Variants in SOX6 observed in about 807,000 individuals in gnomAD.
The protein encoded by SOX6 is SRY-box transcription factor 6, also known as transcription factor SOX-6.
A neutral mutation model predicts 97.8 loss-of-function variants in SOX6; 11 were observed. The ratio of observed to expected loss-of-function variants is 0.11; its 90% confidence interval spans 0.07 to 0.19. SOX6 has a LOEUF of 0.19. SOX6 is among the 10% of genes least tolerant of loss of function. The pLI, the probability that SOX6 is intolerant of heterozygous loss-of-function variation, is 1.00. For synonymous variants in SOX6, 360 were observed against 371.4 expected (o/e 0.97, Z 0.35); for missense variants, 810 against 1,039.5 (o/e 0.78, Z 3.04).
chr11:16,604,560 A>T (rs1369109199), intron 4 of SOX6, among the ~76,000 whole-genome samples: 1 of 152,034 alleles, frequency 6.6e-6, no homozygotes, highest in Non-Finnish European at 1.5e-5. Context: ...ACGTCATCCG[A>T]GCGCCCATTG....
intron 3 of SOX6, among the ~76,000 whole-genome samples, chr11:16,254,832 G>T (rs1239621604): frequency 1.3e-5 from 2 of 151,876 alleles, no homozygotes; most frequent in Non-Finnish European, 2.9e-5. Context: ...AACAGAGATT[G>T]TCAGAGTGGG....
chr11:16,093,899 G>A (rs185829706), intron 9 of SOX6, among the ~76,000 whole-genome samples: 5 of 151,854 alleles, frequency 3.3e-5, no homozygotes, highest in Non-Finnish European at 7.4e-5. Flanking sequence ...GCTATTCACA[G>A]ATGTCCCAAT....
intron 3 of SOX6, among the ~76,000 whole-genome samples, chr11:16,310,415 T>G (rs1855565965): frequency 6.6e-6 from 1 of 152,134 alleles, no homozygotes; most frequent in Non-Finnish European, 1.5e-5. Flanking sequence ...ATATAATCCC[T>G]AAATATCATT....
intron 4 of SOX6, among the ~76,000 whole-genome samples, chr11:16,529,951 G>A (rs767927875): frequency 2.6e-5 from 4 of 151,808 alleles, no homozygotes; most frequent in Non-Finnish European, 4.4e-5. Flanking sequence ...GTACAGAAAC[G>A]CTTATTAAAT....
intron 1 of SOX6, among the ~76,000 whole-genome samples, chr11:16,345,721 A>G (rs1856759219): frequency 2.0e-5 from 3 of 152,046 alleles, no homozygotes; most frequent in African/African-American, 7.2e-5. Context: ...ATTTTCTAGA[A>G]CTTTTCTGAT....
At chr11:16,625,241 T>C (rs572114835) in intron 3 of SOX6, among the ~76,000 whole-genome samples, 2 of 152,386 alleles carry the variant, frequency 1.3e-5, no homozygotes, top group East Asian at 1.9e-4. Flanking sequence ...TAGCCTCTTA[T>C]GTTTTCATCT....
At chr11:16,349,578 T>G (rs1856858216) in intron 1 of SOX6, among the ~76,000 whole-genome samples, 1 of 151,310 alleles carries the variant, frequency 6.6e-6, no homozygotes, top group South Asian at 2.1e-4. Context: ...AGCGTGCCAT[T>G]GCACTCTAGC....
At chr11:16,064,211 A>C (rs1040490417) in intron 9 of SOX6, among the ~76,000 whole-genome samples, 1 of 151,724 alleles carries the variant, frequency 6.6e-6, no homozygotes, top group Non-Finnish European at 1.5e-5. Context: ...TGATAAGATA[A>C]AAAGAAGAAC....
intron 4 of SOX6, among the ~76,000 whole-genome samples, chr11:16,603,498 G>T (rs1008600469): frequency 5.9e-5 from 9 of 152,056 alleles, no homozygotes; most frequent in Admixed American, 5.2e-4. Flanking sequence ...ATCAGAGCAC[G>T]GATATTAACT....
intron 1 of SOX6, among the ~76,000 whole-genome samples, chr11:16,411,117 T>C (rs1050822370): frequency 4.6e-5 from 7 of 152,262 alleles, no homozygotes; most frequent in African/African-American, 1.7e-4. Context: ...GTTGCAAATT[T>C]GGGGTCATCT....
At chr11:16,291,317 T>C (rs1854908754) in intron 3 of SOX6, among the ~76,000 whole-genome samples, 1 of 147,282 alleles carries the variant, frequency 6.8e-6, no homozygotes, top group Non-Finnish European at 1.5e-5. Flanking sequence ...GATGCTGTTT[T>C]CTTTTATGTG....
intron 2 of SOX6, among the ~76,000 whole-genome samples, chr11:16,716,963 G>C (rs547153882): frequency 6.6e-6 from 1 of 152,212 alleles, no homozygotes; most frequent in Admixed American, 6.5e-5. Flanking sequence ...TCTTGACCCA[G>C]GTAGTGGTTA....
At chr11:16,186,026 T>C (rs1013263008) in intron 5 of SOX6, among the ~76,000 whole-genome samples, 12 of 152,272 alleles carry the variant, frequency 7.9e-5, no homozygotes, top group South Asian at 4.2e-4. Flanking sequence ...GACTACTCTA[T>C]AGGATCATTG....
At chr11:16,674,389 G>A (rs1309800155) in intron 3 of SOX6, among the ~76,000 whole-genome samples, 2 of 152,056 alleles carry the variant, frequency 1.3e-5, no homozygotes, top group South Asian at 2.1e-4. Flanking sequence ...GGGTATGGTA[G>A]GAACATATCT....
Position 15,971,583 on chromosome 11 carries a change from T to C in SOX6, c.*1226A>G, listed in dbSNP as rs1399348451. ...ACAGTGAACCTCAGGGGCATACCTG[T>C]TTAAGTGTAAGACTATATACCTATA... On this transcript the variant is annotated 3_prime_UTR_variant, in exon 16 of 16. Transcript: ENST00000683767. 1 of 152,690 alleles carries C rather than the reference T, an allele frequency of 6.5e-6. No homozygotes were observed. Among genetic ancestry groups the C allele is most frequent in the East Asian group, 1.9e-4 (1 of 5,182 alleles). 9.5% of individuals were successfully genotyped at this position (152,690 alleles called of 1,614,324 possible).
At chr11:15,982,302 A>C (rs1853680001) in intron 15 of SOX6, among the ~76,000 whole-genome samples, 1 of 152,106 alleles carries the variant, frequency 6.6e-6, no homozygotes, top group South Asian at 2.1e-4. Context: ...TTTTCAATTT[A>C]ATAGTGAGAA....
At chr11:16,351,693 C>T (rs1218233022) in intron 1 of SOX6, among the ~76,000 whole-genome samples, 1 of 152,102 alleles carries the variant, frequency 6.6e-6, no homozygotes, top group Non-Finnish European at 1.5e-5. Flanking sequence ...TCCTCACTTT[C>T]CTTTCTTAGT....
intron 4 of SOX6, among the ~76,000 whole-genome samples, chr11:16,524,131 G>A (rs1255555891): frequency 1.3e-5 from 2 of 152,136 alleles, no homozygotes; most frequent in Non-Finnish European, 2.9e-5. Context: ...CATTTTATGA[G>A]GACAGCATCA....
At chr11:16,470,488 C>T (rs1016798719) in intron 1 of SOX6, among the ~76,000 whole-genome samples, 1 of 152,062 alleles carries the variant, frequency 6.6e-6, no homozygotes. Flanking sequence ...TCAGCTGAAG[C>T]ATGACATGTG....
Sources: allele counts gnomAD v4.1 joint callset (sites outside exome capture counted in the v4.1 genomes callset), GRCh38; gene constraint gnomAD v4.1.1; transcripts MANE v1.5; gene names NCBI Gene and HGNC (gene_info 2026-07-23, HGNC 2026-07-21).